PVT1: variants seen among roughly 807,000 people sequenced by gnomAD.
PVT1 encodes Pvt1 oncogene.
intron 2 of PVT1, among the ~76,000 whole-genome samples, chr8:127,822,115 A>C (rs1814737120): frequency 6.6e-6 from 1 of 152,218 alleles, no homozygotes; most frequent in African/African-American, 2.4e-5. Context: ...GTAAGGATTA[A>C]ATGAATTAGT....
At chr8:128,021,120 C>A (rs771706202) in intron 4 of PVT1, among the ~76,000 whole-genome samples, 3 of 152,040 alleles carry the variant, frequency 2.0e-5, no homozygotes, top group Non-Finnish European at 4.4e-5. Flanking sequence ...CAAACTGCCT[C>A]CAGATGCAAC....
chr8:127,942,180 G>A (rs964221322), intron 3 of PVT1, among the ~76,000 whole-genome samples: 4 of 152,190 alleles, frequency 2.6e-5, no homozygotes, highest in African/African-American at 4.8e-5. Flanking sequence ...AGTTCTGCCA[G>A]TTGGGAAGTG....
chr8:127,984,917 CTTTCTCTTTCTCTTTCTTTCTTTCT>C (rs1816940620), intron 3 of PVT1, among the ~76,000 whole-genome samples: 7 of 121,862 alleles, frequency 5.7e-5, no homozygotes, highest in Non-Finnish European at 8.3e-5. Context: ...TTCTTTCTTT[CTTTCTCTTTCTCTTTCTTTCTTTCT>C]TTCCCCTTCC....
At chr8:127,978,959 C>T (rs192179112) in intron 3 of PVT1, among the ~76,000 whole-genome samples, 52 of 152,348 alleles carry the variant, frequency 3.4e-4, no homozygotes, top group Non-Finnish European at 6.9e-4. Context: ...CCAGGCTGAT[C>T]TCAAACTCCT....
At position 127,906,469 on chromosome 8, in the gene PVT1, G is replaced by A. The variant is rs143906274; in HGVS notation, n.782+15471G>A. ...GGATGATAAATGTTTAGATAGCACCGAAGATAATGGTAAAAGGAGAAACTG... is the reference window on the plus strand; with the variant it reads ...GGATGATAAATGTTTAGATAGCACCAAAGATAATGGTAAAAGGAGAAACTG... On this transcript the variant is annotated intron_variant and non_coding_transcript_variant, in intron 3 of 10. Transcript: ENST00000651587. Among the ~76,000 whole-genome samples, 9 of 152,282 alleles carry A rather than the reference G, an allele frequency of 5.9e-5. No individual in the cohort carries two copies. In the East Asian group the frequency reaches 1.3e-3, roughly 23 times the overall value.
intron 4 of PVT1, among the ~76,000 whole-genome samples, chr8:128,038,386 G>A (rs1455575031): frequency 6.6e-6 from 1 of 152,176 alleles, no homozygotes; most frequent in African/African-American, 2.4e-5. Context: ...TTCCCTGGGT[G>A]TGAGGTTGCC....
chr8:127,934,904 G>A lies in PVT1; in HGVS notation n.782+43906G>A, dbSNP rs560356682. Among the ~76,000 whole-genome samples, 34 of 152,194 alleles carry A rather than the reference G, an allele frequency of 2.2e-4. No individual in the cohort carries two copies. The South Asian group carries it at 6.8e-3, about 31-fold the overall frequency. ...ATGGCGTTGGGCTAGAAACAATATC[G>A]GGGAGTTCTGTTTGGTTTTAACTGC... On this transcript the variant is annotated intron_variant and non_coding_transcript_variant, in intron 3 of 10. Transcript: ENST00000651587.
At chr8:127,823,349 T>C (rs754603698) in intron 2 of PVT1, among the ~76,000 whole-genome samples, 1 of 152,242 alleles carries the variant, frequency 6.6e-6, no homozygotes, top group Non-Finnish European at 1.5e-5. Context: ...GCTTAAAATA[T>C]GAAACTCCTG....
chr8:127,838,276 T>C (rs1165763398), intron 2 of PVT1, among the ~76,000 whole-genome samples: 1 of 152,132 alleles, frequency 6.6e-6, no homozygotes, highest in Non-Finnish European at 1.5e-5. Flanking sequence ...CAGAGTGAGG[T>C]TGTCCTTCCT....
chr8:127,940,892 A>G (rs940221002), intron 3 of PVT1, among the ~76,000 whole-genome samples: 6 of 152,170 alleles, frequency 3.9e-5, no homozygotes, highest in African/African-American at 1.4e-4. Flanking sequence ...GTGAGCCACT[A>G]TGTCCGGCTC....
At chr8:127,841,638 C>T (rs768429575) in intron 2 of PVT1, among the ~76,000 whole-genome samples, 1 of 152,166 alleles carries the variant, frequency 6.6e-6, no homozygotes, top group Non-Finnish European at 1.5e-5. Context: ...TCTGTGGTAG[C>T]ATCCAAGTCT....
chr8:127,855,042 C>A, intron 2 of PVT1: 1 of 396,490 alleles, frequency 2.5e-6, no homozygotes, highest in Non-Finnish European at 4.4e-6. Context: ...TGGGATTTGA[C>A]CCCAGACCTG....
chr8:127,827,660 C>T (rs1814806095), intron 2 of PVT1, among the ~76,000 whole-genome samples: 1 of 152,092 alleles, frequency 6.6e-6, no homozygotes, highest in South Asian at 2.1e-4. Context: ...TCCCCCAGGC[C>T]CCATGCACGG....
intron 4 of PVT1, among the ~76,000 whole-genome samples, chr8:128,011,013 T>A (rs1044270723): frequency 2.6e-5 from 4 of 152,230 alleles, no homozygotes; most frequent in African/African-American, 9.6e-5. Flanking sequence ...GGTGGGGCTA[T>A]GTTTTTCTCT....
intron 3 of PVT1, among the ~76,000 whole-genome samples, chr8:127,922,286 C>G (rs74741336): frequency 1.4e-5 from 2 of 142,576 alleles, no homozygotes; most frequent in South Asian, 2.3e-4. Context: ...ACCCCCCCCC[C>G]CACCAAGGAG....
chr8:128,060,905 C>CTTTTT (rs35320355), intron 4 of PVT1, among the ~76,000 whole-genome samples: 37 of 123,618 alleles, frequency 3.0e-4, no homozygotes, highest in East Asian at 1.3e-3. Context: ...TAGGCAACTA[C>CTTTTT]TTTTTTTTTT....
Position 127,952,825 on chromosome 8 carries a change from C to T in PVT1, n.783-36337C>T, listed in dbSNP as rs182003038. On this transcript the variant is annotated intron_variant and non_coding_transcript_variant, in intron 3 of 10. Coordinates refer to ENST00000651587, the Ensembl canonical transcript of PVT1. The stretch of plus-strand genomic sequence containing the variant: ...TGTGGCCCAGGCTGGAGTGCAAAGG[C>T]GCGATCTCAGCTCACTGCAACCTCC... Among the ~76,000 whole-genome samples, 1,207 of 150,678 alleles carry T rather than the reference C, an allele frequency of 8.0e-3. 18 individuals are homozygous for T. Among genetic ancestry groups the T allele is most frequent in the African/African-American group, 0.028 (1,137 of 40,946 alleles).
At chr8:127,846,305 T>A (rs1221319527) in intron 2 of PVT1, among the ~76,000 whole-genome samples, 1 of 152,184 alleles carries the variant, frequency 6.6e-6, no homozygotes, top group East Asian at 1.9e-4. Flanking sequence ...GTCCATGGTG[T>A]CTTTGGCCTT....
chr8:127,985,417 G>C (rs1237889473), intron 3 of PVT1, among the ~76,000 whole-genome samples: 1 of 150,770 alleles, frequency 6.6e-6, no homozygotes, highest in Admixed American at 6.6e-5. Flanking sequence ...GTGAGCCACT[G>C]TGCCCGGCTG....
Sources: gnomAD v4.1 joint callset for allele counts (sites outside exome capture counted in the v4.1 genomes callset) on GRCh38, gnomAD v4.1.1 for gene constraint, MANE v1.5 for transcripts, NCBI Gene and HGNC (gene_info 2026-07-23, HGNC 2026-07-21) for gene names.